EMB: variants seen among roughly 807,000 people sequenced by gnomAD.
EMB encodes embigin homolog.
EMB carries 31 observed loss-of-function variants against 41.4 expected under a neutral mutation model. That is an observed-to-expected ratio of 0.75 (90% CI 0.56 to 1.01). The LOEUF (loss-of-function observed/expected upper bound fraction) is 1.01. EMB is among the 50% of genes least tolerant of loss of function. EMB has a pLI of 0.00. For missense variants in EMB, 379 were observed against 388.3 expected, an observed-to-expected ratio of 0.98 and a Z score of 0.20; for synonymous variants, 137 against 140.4, an observed-to-expected ratio of 0.98 and a Z score of 0.17.
chr5:50,421,713 C>T (rs916817227), intron 2 of EMB, among the ~76,000 whole-genome samples: 1 of 151,568 alleles, frequency 6.6e-6, no homozygotes, highest in Non-Finnish European at 1.5e-5. Flanking sequence ...TACTATGCAG[C>T]CATAAAAAAG....
chr5:50,411,735 T>A (rs1157742012), intron 2 of EMB: 2 of 158,440 alleles, frequency 1.3e-5, no homozygotes, highest in African/African-American at 4.8e-5. Context: ...AAACACACAC[T>A]CATGGGTGAG....
At chr5:50,405,065 T>C (rs963901188) in intron 5 of EMB, among the ~76,000 whole-genome samples, 2 of 151,904 alleles carry the variant, frequency 1.3e-5, no homozygotes, top group African/African-American at 4.8e-5. Context: ...TCCTAAATTT[T>C]CCTGCCATTA....
At chr5:50,434,530 T>C (rs1047212961) in intron 1 of EMB, among the ~76,000 whole-genome samples, 9 of 152,204 alleles carry the variant, frequency 5.9e-5, no homozygotes, top group African/African-American at 2.2e-4. Context: ...AAAACAGTTA[T>C]AGCTATTAGC....
chr5:50,420,682 G>A (rs530460971), intron 2 of EMB, among the ~76,000 whole-genome samples: 1 of 152,314 alleles, frequency 6.6e-6, no homozygotes, highest in South Asian at 2.1e-4. Flanking sequence ...GAGGAGGGCA[G>A]AAAGGGAAGT....
At chr5:50,401,103 T>C (rs1483332322) in intron 7 of EMB, among the ~76,000 whole-genome samples, 2 of 152,064 alleles carry the variant, frequency 1.3e-5, no homozygotes, top group African/African-American at 4.8e-5. Context: ...AAGATATCTA[T>C]GTTCTCCAGA....
intron 7 of EMB, among the ~76,000 whole-genome samples, chr5:50,400,762 G>C (rs1367633637): frequency 6.6e-6 from 1 of 151,986 alleles, no homozygotes; most frequent in Non-Finnish European, 1.5e-5. Flanking sequence ...TGAGCAAAAT[G>C]ATGTACATTG....
chr5:50,425,087 C>G (rs1745587814), intron 2 of EMB, among the ~76,000 whole-genome samples: 1 of 152,158 alleles, frequency 6.6e-6, no homozygotes, highest in Non-Finnish European at 1.5e-5. Flanking sequence ...ATGCTAGAAT[C>G]TTTTCTGCAA....
chr5:50,441,404 G>C (rs1401476768), upstream of EMB: 9 of 317,480 alleles, frequency 2.8e-5, no homozygotes, highest in Non-Finnish European at 4.0e-5. Context: ...CGGATGTGCG[G>C]TGGCGGTGCT....
intron 1 of EMB, among the ~76,000 whole-genome samples, chr5:50,431,675 T>C (rs991203271): frequency 6.6e-6 from 1 of 152,212 alleles, no homozygotes; most frequent in Non-Finnish European, 1.5e-5. Context: ...GCCAAGATCA[T>C]AACATGCATT....
At chr5:50,429,964 CTCTT>C (rs1186856156) in intron 1 of EMB, among the ~76,000 whole-genome samples, 13 of 86,986 alleles carry the variant, frequency 1.5e-4, no homozygotes, top group East Asian at 3.5e-4. Context: ...CTCCCCAACT[CTCTT>C]TCTCTCTCTC....
At chr5:50,440,792 C>A (rs1328558093) in intron 1 of EMB, among the ~76,000 whole-genome samples, 1 of 152,074 alleles carries the variant, frequency 6.6e-6, no homozygotes. Flanking sequence ...ACTCGCGGGG[C>A]GCTGTTCGTT....
intron 5 of EMB, 103 bp downstream of exon 5, chr5:50,405,622 G>A: frequency 1.4e-6 from 2 of 1,427,448 alleles, no homozygotes; most frequent in East Asian, 2.5e-5. Flanking sequence ...GATAACAAAA[G>A]TATAAATCAT....
intron 4 of EMB, among the ~76,000 whole-genome samples, chr5:50,410,203 T>C (rs1245024583): frequency 6.6e-6 from 1 of 152,160 alleles, no homozygotes; most frequent in Non-Finnish European, 1.5e-5. Flanking sequence ...AGCACGATAA[T>C]ATGGTTCACT....
chr5:50,427,834 G>T (rs749860711), intron 2 of EMB, among the ~76,000 whole-genome samples: 4 of 152,156 alleles, frequency 2.6e-5, no homozygotes, highest in Admixed American at 6.5e-5. Flanking sequence ...TGATGTAATG[G>T]ATGTACCAGC....
intron 7 of EMB, 74 bp from the exon 8 acceptor site, chr5:50,399,987 G>A (rs1296510142): frequency 1.1e-5 from 10 of 914,002 alleles, no homozygotes; most frequent in Non-Finnish European, 1.5e-5. Flanking sequence ...TCACTGATAT[G>A]GCTATCAGGT....
chr5:50,440,533 C>CAAAAAAAAAAAAAAAAAAAAAAAAAAAA (rs70972912), intron 1 of EMB, among the ~76,000 whole-genome samples: 1 of 60,040 alleles, frequency 1.7e-5, no homozygotes, highest in African/African-American at 6.9e-5. Context: ...AACTCCGTCT[C>CAAAAAAAAAAAAAAAAAAAAAAAAAAAA]AAAAAAAAAA....
In EMB at chr5:50,397,853, T is replaced by C. The variant is rs1435807993; in HGVS notation, c.*1420A>G. 6.6e-6 allele frequency: 1 copy of C among 152,084 alleles called. No homozygotes were observed. The highest frequency in any genetic ancestry group is 1.5e-5 in the Non-Finnish European group (1 of 67,982). The allele number at this position is 152,084 out of a possible 1,614,324, so 9.4% of individuals were successfully genotyped here. ...TACAACAAAATATTGCATTTTGTTA[T>C]AGCAACAAAGTATTGAGCAGCTTCC... On this transcript the variant is annotated 3_prime_UTR_variant, in exon 9 of 9. Coordinates refer to ENST00000303221, the MANE Select transcript of EMB (RefSeq NM_198449.3).
intron 1 of EMB, among the ~76,000 whole-genome samples, chr5:50,438,610 C>G (rs559538754): frequency 6.6e-6 from 1 of 152,264 alleles, no homozygotes; most frequent in South Asian, 2.1e-4. Flanking sequence ...GCCTATACAT[C>G]TAGGTCAAAA....
intron 2 of EMB, among the ~76,000 whole-genome samples, chr5:50,413,587 T>C (rs979970353): frequency 2.0e-5 from 3 of 150,462 alleles, no homozygotes. Flanking sequence ...TTTCTTTCTT[T>C]TTTTTTTTTT....
Sources: allele counts gnomAD v4.1 joint callset (sites outside exome capture counted in the v4.1 genomes callset), GRCh38; gene constraint gnomAD v4.1.1; transcripts MANE v1.5; gene names NCBI Gene and HGNC (gene_info 2026-07-23, HGNC 2026-07-21).